Variants in CPSF1 observed in about 807,000 individuals in gnomAD.
CPSF1 encodes cleavage and polyadenylation specificity factor subunit 1.
In CPSF1, 106 loss-of-function variants were observed where a neutral mutation model predicts 175.8. The ratio of observed to expected loss-of-function variants is 0.60; its 90% confidence interval spans 0.52 to 0.71. The LOEUF (loss-of-function observed/expected upper bound fraction) is 0.71, where lower values mean the gene tolerates loss of function less well. Ranked by LOEUF, CPSF1 falls within the 30% of genes least tolerant of loss-of-function variation. CPSF1 has a pLI of 0.00. For synonymous variants in CPSF1, 1,024 were observed against 858.3 expected (o/e 1.19, Z -3.37); for missense variants, 1,734 against 2,022.9 (o/e 0.86, Z 2.74).
chr8:144,397,127 A>G (rs2130765468), intron 23 of CPSF1, 80 bp downstream of exon 23: 10 of 1,245,876 alleles, frequency 8.0e-6, no homozygotes, highest in African/African-American at 2.1e-5. Flanking sequence ...GGGTGGAGCC[A>G]CGGGAAGGGG....
Position 144,400,241 on chromosome 8 carries a change from A to G in CPSF1, c.862T>C (p.Tyr288His), listed in dbSNP as rs2116873825. ...VVVFAVNSLL[Y>H]LNQSVPPYGV... is the part of the protein sequence containing the mutation. The stretch of plus-strand genomic sequence containing the variant: ...TACGGGGGGACGCTCTGGTTCAGGT[A>G]CAACAGCGAGTTGACGGCAAACACC... Residue 288 changes from tyrosine to histidine, a missense_variant, in exon 9 of 38, where the codon TAC becomes CAC. Around this residue, in one of 10 missense-constraint regions of CPSF1, gnomAD observed 61 missense variants for 104.0 expected, o/e 0.59. Coordinates refer to ENST00000616140, the MANE Select transcript of CPSF1 (RefSeq NM_013291.3). 6.3e-7 allele frequency: 1 copy of G among 1,590,978 alleles called. No individual in the cohort carries two copies. Among genetic ancestry groups the G allele is most frequent in the South Asian group, 1.1e-5 (1 of 88,080 alleles).
At chr8:144,393,402 G>T in intron 37 of CPSF1, 37 bp from the exon 38 acceptor site, 1 of 1,330,094 alleles carries the variant, frequency 7.5e-7, no homozygotes, top group Non-Finnish European at 1.0e-6. Context: ...TGGGTGGGTG[G>T]GGATGCACAC....
chr8:144,398,162 TCC>T, intron 19 of CPSF1, 30 bp from the exon 20 acceptor site: 3 of 1,385,756 alleles, frequency 2.2e-6, no homozygotes, highest in Non-Finnish European at 2.9e-6. Context: ...AGCATGCGCC[TCC>T]CCACCACCGT....
At position 144,398,294 on chromosome 8, in the gene CPSF1, C is replaced by A. The variant is rs2116848681; in HGVS notation, c.1894+8G>T. 1 of 1,605,586 alleles carries A rather than the reference C, an allele frequency of 6.2e-7. No homozygotes were observed. Among genetic ancestry groups the A allele is most frequent in the Non-Finnish European group, 8.5e-7 (1 of 1,174,118 alleles). On this transcript the variant is annotated splice_region_variant and intron_variant, in intron 19 of 37. Transcript: ENST00000616140. ...GATGCCCAGGGCCCAACCACCCCCC[C>A]CACCTACCTCCTTCCAGCAGGCGGA...
In CPSF1 at chr8:144,398,159, G is replaced by A. The variant is rs371138228; in HGVS notation, c.1895-27C>T. ...TGTAGGCATGGGGCAGTCAGCATGC[G>A]CCTCCCCACCACCGTCCCCACCCAC... is the stretch of plus-strand genomic sequence containing the variant. On this transcript the variant is annotated intron_variant, in intron 19 of 37. Coordinates refer to ENST00000616140, the MANE Select transcript of CPSF1 (RefSeq NM_013291.3). 2.9e-4 allele frequency: 288 copies of A among 983,802 alleles called. 4 individuals carry two copies. In the Middle Eastern group the frequency reaches 5.6e-3, roughly 19 times the overall value. 60.9% of individuals were successfully genotyped at this position (983,802 alleles called of 1,614,324 possible).
intron 1 of CPSF1, 26 bp downstream of exon 1, chr8:144,409,263 C>T: frequency 9.1e-7 from 1 of 1,094,498 alleles, no homozygotes; most frequent in East Asian, 3.6e-5. Flanking sequence ...CGCGCTGCCG[C>T]CTCGGCCGCC....
intron 2 of CPSF1, among the ~76,000 whole-genome samples, chr8:144,402,227 A>G (rs1821251647): frequency 6.6e-6 from 1 of 152,240 alleles, no homozygotes; most frequent in South Asian, 2.1e-4. Context: ...GCTACTAGGT[A>G]GCTAGTTTAA....
At chr8:144,397,168 G>A (rs1554864194) in intron 23 of CPSF1, 39 bp downstream of exon 23, 4 of 1,504,324 alleles carry the variant, frequency 2.7e-6, no homozygotes, top group Admixed American at 4.0e-5. Flanking sequence ...CAGGGCCAGG[G>A]GGAAGATGGG....
rs2116863896 is a variant in CPSF1, at chr8:144,399,555, A to G, written c.1242+33T>C. 48 of 1,611,426 alleles carry G rather than the reference A, an allele frequency of 3.0e-5. No homozygotes were observed. Among genetic ancestry groups the G allele is most frequent in the Non-Finnish European group, 3.8e-5 (45 of 1,179,246 alleles). ...GCATGCCACAGCAGTGCCCACATGAAGGGTGGTGGCCCAATGGGCCCAGGA... is the reference window on the plus strand; with the variant it reads ...GCATGCCACAGCAGTGCCCACATGAGGGGTGGTGGCCCAATGGGCCCAGGA... On this transcript the variant is annotated intron_variant, in intron 12 of 37. Coordinates refer to ENST00000616140, the MANE Select transcript of CPSF1 (RefSeq NM_013291.3). This position sits in a 1 kb window ranked among gnomAD's most constrained non-coding sequence, Gnocchi z 6.4.
Position 144,397,980 on chromosome 8 carries a change from C to T in CPSF1, c.2047G>A (p.Ala683Thr). 4 of 1,610,324 alleles carry T rather than the reference C, an allele frequency of 2.5e-6. No individual in the cohort carries two copies. Among genetic ancestry groups the T allele is most frequent in the South Asian group, 1.1e-5 (1 of 90,914 alleles). Residue 683 changes from alanine (A) to threonine (T), a missense_variant, in exon 20 of 38, where the codon GCG becomes ACG. Ala to Thr is a moderately conservative substitution (Grantham distance 58). Around this residue, in one of 10 missense-constraint regions of CPSF1, gnomAD observed 280 missense variants for 349.2 expected, o/e 0.80. Coordinates refer to ENST00000616140, the MANE Select transcript of CPSF1 (RefSeq NM_013291.3). ...TGGTGCAGCGGGGGCTTGTGCAGCGCCAGGCGGTGGTGGCGGCCACCGTAG... is the reference window on the plus strand; with the variant it reads ...TGGTGCAGCGGGGGCTTGTGCAGCGTCAGGCGGTGGTGGCGGCCACCGTAG... ...DSYGGRHHRLALHKPPLHHQS... is the reference protein window; with the variant it reads ...DSYGGRHHRLTLHKPPLHHQS...
At position 144,401,156 on chromosome 8, in the gene CPSF1, G is replaced by C; in HGVS notation, c.387+55C>G. ...CTTGGGGCCACAGAACCCAGCTGCAGGGGGAGGGAGGGTGGCTGGGCGGGG... is the reference window on the plus strand; with the variant it reads ...CTTGGGGCCACAGAACCCAGCTGCACGGGGAGGGAGGGTGGCTGGGCGGGG... On this transcript the variant is annotated intron_variant, in intron 5 of 37. Transcript: ENST00000616140. 1.9e-6 allele frequency: 3 copies of C among 1,563,740 alleles called. No homozygotes were observed. In the South Asian group the frequency reaches 3.5e-5, roughly 18 times the overall value.
At chr8:144,398,482 G>T in intron 18 of CPSF1, 39 bp from the exon 19 acceptor site, 1 of 1,563,474 alleles carries the variant, frequency 6.4e-7, no homozygotes, top group Non-Finnish European at 8.7e-7. Flanking sequence ...CCCCCGCAGG[G>T]GACCCCAGCC....
intron 2 of CPSF1, among the ~76,000 whole-genome samples, chr8:144,402,390 C>T (rs1056362538): frequency 2.0e-5 from 3 of 152,182 alleles, no homozygotes; most frequent in African/African-American, 7.2e-5. Flanking sequence ...TCACTGCAAC[C>T]TCTGCCTCCC....
At position 144,397,500 on chromosome 8, in the gene CPSF1, T is replaced by C; in HGVS notation, c.2372A>G (p.Asn791Ser). The change falls in exon 22 of 38, where the codon AAT becomes AGT. Residue 791 changes from asparagine to serine, a missense_variant. Coordinates refer to ENST00000616140, the MANE Select transcript of CPSF1 (RefSeq NM_013291.3). Reference sequence around the variant, plus strand: ...GGCACCACCTACCTCCATGGTGCCATTCTCCCGCACCAGCAGGCACCAGTG... The same window carrying C: ...GGCACCACCTACCTCCATGGTGCCACTCTCCCGCACCAGCAGGCACCAGTG... ...PTHWCLLVRE[N>S]GTMEIYQLPD... The C allele has an allele frequency of 1.3e-6, 2 of 1,593,872 alleles. No individual in the cohort carries two copies. The highest frequency in any genetic ancestry group is 8.6e-7 in the Non-Finnish European group (1 of 1,165,510).
Position 144,393,777 on chromosome 8 carries a change from G to A in CPSF1, c.4035C>T (p.Ile1345=), listed in dbSNP as rs528304727. ...TCTCCTGCATGGGCAGCAGCAGCCC[G>A]ATGCCGCCGTCCAGGGTGGCTGGCA... ...ITWFATLDGG[I]GLLLPMQEKT... is the part of the protein sequence containing the mutation. Residue 1345 remains isoleucine (I), a synonymous_variant, in exon 36 of 38, where the codon ATC becomes ATT. Transcript: ENST00000616140. 33 of 1,596,882 alleles carry A rather than the reference G, an allele frequency of 2.1e-5. No individual in the cohort carries two copies. Among genetic ancestry groups the A allele is most frequent in the South Asian group, 1.6e-4 (14 of 89,782 alleles).
chr8:144,400,334 T>A lies in CPSF1; in HGVS notation c.826+20A>T. ...AGTGCTCTCTCCACACACTCCCCTA[T>A]CCACTCCCAGGACACACACCTATGG... On this transcript the variant is annotated intron_variant, in intron 8 of 37. Coordinates refer to ENST00000616140, the MANE Select transcript of CPSF1 (RefSeq NM_013291.3). 1 of 1,613,600 alleles carries A rather than the reference T, an allele frequency of 6.2e-7. No individual in the cohort carries two copies. Among genetic ancestry groups the A allele is most frequent in the South Asian group, 1.1e-5 (1 of 91,076 alleles).
chr8:144,406,713 G>A (rs186383568), intron 2 of CPSF1, among the ~76,000 whole-genome samples: 3 of 152,228 alleles, frequency 2.0e-5, no homozygotes, highest in Admixed American at 1.3e-4. Flanking sequence ...AACCTACGGT[G>A]GCCAGCGTCC....
chr8:144,399,969 TC>T lies in CPSF1; in HGVS notation c.1031+22del. On this transcript the variant is annotated intron_variant, in intron 10 of 37. Transcript: ENST00000616140. The surrounding 1 kb of genome is among the most constrained non-coding windows in gnomAD (Gnocchi z 6.4). ...TTGTGGGGGGCGGTGTGGGCAGAGT[TC>T]ATGGGCGGGGGAGGGGCTCACATCT... 1 of 1,576,502 alleles carries T rather than the reference TC, an allele frequency of 6.3e-7. No homozygotes were observed. The highest frequency in any genetic ancestry group is 8.6e-7 in the Non-Finnish European group (1 of 1,156,590).
At chr8:144,401,332 C>T (rs2116883749) in intron 4 of CPSF1, 41 bp from the exon 5 acceptor site, 1 of 1,602,234 alleles carries the variant, frequency 6.2e-7, no homozygotes, top group South Asian at 1.1e-5. Flanking sequence ...GACTGCCGGT[C>T]CTGACAGTGT....
Sources: allele counts gnomAD v4.1 joint callset (sites outside exome capture counted in the v4.1 genomes callset), GRCh38; gene constraint gnomAD v4.1.1; regional missense constraint gnomAD v4.1.1; non-coding constraint Gnocchi (gnomAD v3.1); transcripts MANE v1.5; gene names NCBI Gene and HGNC (gene_info 2026-07-23, HGNC 2026-07-21).